ADAMTSL1: variants seen among roughly 807,000 people sequenced by gnomAD.
The protein encoded by ADAMTSL1 is ADAMTS like 1.
ADAMTSL1 carries 126 observed loss-of-function variants against 201.8 expected under a neutral mutation model. That is an observed-to-expected ratio of 0.62 (90% CI 0.54 to 0.72). The LOEUF (loss-of-function observed/expected upper bound fraction) is 0.72. ADAMTSL1 is among the 30% of genes least tolerant of loss of function. The pLI is 0.00. For synonymous variants in ADAMTSL1, 1,121 were observed against 903.4 expected (o/e 1.24, Z -4.32); for missense variants, 2,679 against 2,277.8 (o/e 1.18, Z -3.59).
At chr9:18,292,094 C>T (rs1025240134) in intron 2 of ADAMTSL1, among the ~76,000 whole-genome samples, 2 of 152,104 alleles carry the variant, frequency 1.3e-5, no homozygotes, top group African/African-American at 2.4e-5. Flanking sequence ...TGTGTCAGAG[C>T]AGTGTTAGGC....
chr9:18,305,469 G>A lies in ADAMTSL1; in HGVS notation c.207+141488G>A, dbSNP rs564251001. ...TAAGATCCACTGGCTTGAAATTCTC[G>A]CTGCCAGCACAGCAGTCTGAAGTCT... is the stretch of plus-strand genomic sequence containing the variant. On this transcript the variant is annotated intron_variant, in intron 2 of 29. Transcript: ENST00000680146. Among the ~76,000 whole-genome samples the A allele has an allele frequency of 5.3e-5, 8 of 152,280 alleles. No individual in the cohort carries two copies. The East Asian group carries it at 7.8e-4, about 15-fold the overall frequency.
At chr9:18,455,217 T>G (rs1820555643) in intron 2 of ADAMTSL1, among the ~76,000 whole-genome samples, 1 of 152,242 alleles carries the variant, frequency 6.6e-6, no homozygotes, top group Non-Finnish European at 1.5e-5. Context: ...CATTATGATT[T>G]CTTTCAGTAT....
chr9:18,242,109 C>T lies in ADAMTSL1; in HGVS notation c.207+78128C>T, dbSNP rs114444584. Among the ~76,000 whole-genome samples, 272 of 152,170 alleles carry T rather than the reference C, an allele frequency of 1.8e-3. 1 individual carries two copies. The highest frequency in any genetic ancestry group is 6.4e-3 in the African/African-American group (265 of 41,540). ...TGATGAACATTAATGTAAAAATCCT[C>T]TATAAAATATTAGCAAACTAAAGTC... On this transcript the variant is annotated intron_variant, in intron 2 of 29. Coordinates refer to the ADAMTSL1 transcript ENST00000680146.
At chr9:18,644,321 A>C (rs748888607) in intron 7 of ADAMTSL1, among the ~76,000 whole-genome samples, 1 of 151,932 alleles carries the variant, frequency 6.6e-6, no homozygotes, top group African/African-American at 2.4e-5. Context: ...TTTGAAAAAG[A>C]TATTGCAGGA....
chr9:18,286,037 C>A (rs1021232094), intron 2 of ADAMTSL1, among the ~76,000 whole-genome samples: 1 of 151,864 alleles, frequency 6.6e-6, no homozygotes, highest in Non-Finnish European at 1.5e-5. Flanking sequence ...GTTACTTTCT[C>A]TCTCTCTCTC....
At position 18,661,924 on chromosome 9, in the gene ADAMTSL1, T is replaced by A. The variant is rs1414864281; in HGVS notation, c.947-11T>A. 3.1e-6 allele frequency: 5 copies of A among 1,609,986 alleles called. No individual in the cohort carries two copies. Among genetic ancestry groups the A allele is most frequent in the Non-Finnish European group, 4.2e-6 (5 of 1,178,622 alleles). On this transcript the variant is annotated splice_polypyrimidine_tract_variant and intron_variant, in intron 8 of 28. Transcript: ENST00000380548. ...TACATTTAAACTTGCCTGGATGGTTTGATACTACAGGTTATCAGCTGACAT... is the reference window on the plus strand; with the variant it reads ...TACATTTAAACTTGCCTGGATGGTTAGATACTACAGGTTATCAGCTGACAT...
chr9:18,623,600 G>A (rs1233304871), intron 5 of ADAMTSL1, among the ~76,000 whole-genome samples: 1 of 152,148 alleles, frequency 6.6e-6, no homozygotes, highest in Non-Finnish European at 1.5e-5. Flanking sequence ...GATGGTACAA[G>A]TTCTCATGGT....
At chr9:17,951,050 G>A (rs1827710622) in intron 1 of ADAMTSL1, among the ~76,000 whole-genome samples, 1 of 152,124 alleles carries the variant, frequency 6.6e-6, no homozygotes, top group South Asian at 2.1e-4. Flanking sequence ...TCCTCTAAAA[G>A]AGAAGGTGAA....
chr9:18,378,424 G>T (rs1203003196), intron 2 of ADAMTSL1, among the ~76,000 whole-genome samples: 2 of 152,188 alleles, frequency 1.3e-5, no homozygotes, highest in Non-Finnish European at 2.9e-5. Context: ...ATATAGGATT[G>T]AGAGGTCTTT....
At chr9:18,575,630 A>C (rs1358594275) in intron 4 of ADAMTSL1, among the ~76,000 whole-genome samples, 6 of 152,184 alleles carry the variant, frequency 3.9e-5, no homozygotes, top group Admixed American at 3.3e-4. Flanking sequence ...TAGAAAGGGG[A>C]CTGTGTTGTA....
chr9:18,796,632 T>G (rs960778649), intron 20 of ADAMTSL1: 1 of 152,266 alleles, frequency 6.6e-6, no homozygotes, highest in African/African-American at 2.4e-5. Flanking sequence ...GAAGGGACCC[T>G]TAGCAGGCGG....
At chr9:18,819,764 T>A (rs1036613585) in intron 21 of ADAMTSL1, among the ~76,000 whole-genome samples, 1 of 152,226 alleles carries the variant, frequency 6.6e-6, no homozygotes, top group African/African-American at 2.4e-5. Context: ...CTAAAATAAT[T>A]ATTTGTATAT....
At chr9:18,561,972 T>C (rs949374616) in intron 3 of ADAMTSL1, among the ~76,000 whole-genome samples, 1 of 152,210 alleles carries the variant, frequency 6.6e-6, no homozygotes, top group Non-Finnish European at 1.5e-5. Flanking sequence ...TGACTCTTTA[T>C]CCAGTTTGCC....
chr9:18,078,600 T>A (rs1299835674), intron 1 of ADAMTSL1, among the ~76,000 whole-genome samples: 2 of 152,180 alleles, frequency 1.3e-5, no homozygotes, highest in Non-Finnish European at 2.9e-5. Context: ...GGTCCTGGTG[T>A]ATATTTAAAG....
chr9:18,704,140 T>C (rs1360091800), intron 13 of ADAMTSL1, among the ~76,000 whole-genome samples: 3 of 152,158 alleles, frequency 2.0e-5, no homozygotes, highest in Non-Finnish European at 4.4e-5. Flanking sequence ...ATCCAGACCC[T>C]TCCATCAGCA....
At chr9:18,892,795 C>G (rs995581861) in intron 26 of ADAMTSL1, among the ~76,000 whole-genome samples, 199 bp downstream of exon 26, 15 of 152,130 alleles carry the variant, frequency 9.9e-5, no homozygotes, top group African/African-American at 3.4e-4. Flanking sequence ...ATTCTATGAA[C>G]CAATGTGATT....
Position 18,636,017 on chromosome 9 carries a change from T to C in ADAMTSL1, c.676T>C (p.Tyr226His), listed in dbSNP as rs778897217. Reference sequence around the variant, plus strand: ...TGTCTTAAAAGGTCCTGATCACTTATGTAAGTAACTCCATTGTTTTCCTTT... The same window carrying C: ...TGTCTTAAAAGGTCCTGATCACTTACGTAAGTAACTCCATTGTTTTCCTTT... ...RLVLKGPDHL[Y>H]LETKTLQGTK... Residue 226 changes from tyrosine to histidine, a missense_variant and splice_region_variant, in exon 6 of 29, where the codon TAT (tyrosine) becomes CAT (histidine). Transcript: ENST00000380548. The C allele has an allele frequency of 8.8e-6, 14 of 1,582,728 alleles. No individual in the cohort carries two copies. The Admixed American group carries it at 2.4e-4, about 27-fold the overall frequency.
At chr9:17,930,658 C>T (rs548879508) in intron 1 of ADAMTSL1, among the ~76,000 whole-genome samples, 1 of 152,214 alleles carries the variant, frequency 6.6e-6, no homozygotes, top group African/African-American at 2.4e-5. Context: ...TAAAGAATTC[C>T]AAGACCCAGA....
chr9:18,182,130 G>C (rs1364665875), intron 2 of ADAMTSL1, among the ~76,000 whole-genome samples: 1 of 145,172 alleles, frequency 6.9e-6, no homozygotes, highest in African/African-American at 2.5e-5. Flanking sequence ...ACACTCTGGG[G>C]CCTGTTGTGG....
Sources: allele counts gnomAD v4.1 joint callset (sites outside exome capture counted in the v4.1 genomes callset), GRCh38; gene constraint gnomAD v4.1.1; transcripts MANE v1.5; gene names NCBI Gene and HGNC (gene_info 2026-07-23, HGNC 2026-07-21).